ZNF385D: variants seen among roughly 807,000 people sequenced by gnomAD.
ZNF385D encodes the protein zinc finger protein 385D.
ZNF385D carries 15 observed loss-of-function variants against 35.8 expected under a neutral mutation model. That is an observed-to-expected ratio of 0.42 (90% confidence interval 0.28 to 0.64). The LOEUF (loss-of-function observed/expected upper bound fraction) is 0.64. ZNF385D is among the 30% of genes least tolerant of loss of function. The pLI is 0.23. For missense variants in ZNF385D, 474 were observed against 494.6 expected (o/e 0.96, Z 0.39); for synonymous variants, 212 against 186.8 (o/e 1.13, Z -1.10).
chr3:22,267,073 T>G (rs1168328406), intron 2 of ZNF385D, among the ~76,000 whole-genome samples: 1 of 151,936 alleles, frequency 6.6e-6, no homozygotes, highest in East Asian at 1.9e-4. Flanking sequence ...TTCTAAAGCA[T>G]AAAGAGGTAA....
At chr3:21,838,883 CATA>C (rs1196671447) in intron 3 of ZNF385D, among the ~76,000 whole-genome samples, 1 of 151,996 alleles carries the variant, frequency 6.6e-6, no homozygotes, top group Non-Finnish European at 1.5e-5. Context: ...ATAACTTGCT[CATA>C]ATAATAACAC....
upstream of ZNF385D, among the ~76,000 whole-genome samples, chr3:21,751,741 A>C (rs2070098368): frequency 6.6e-6 from 1 of 152,116 alleles, no homozygotes; most frequent in South Asian, 2.1e-4. Context: ...TACTTGGTGA[A>C]GTGTAATTTT....
intron 3 of ZNF385D, among the ~76,000 whole-genome samples, chr3:21,987,306 C>A (rs1452487369): frequency 7.5e-6 from 1 of 133,922 alleles, no homozygotes; most frequent in Non-Finnish European, 1.5e-5. Context: ...GTGGCTGGTA[C>A]CGGTTGTTCC....
In ZNF385D at chr3:22,276,660, A is replaced by G. The variant is rs1229653697; in HGVS notation, c.106+95790T>C. Among the ~76,000 whole-genome samples the G allele has an allele frequency of 2.0e-5, 3 of 152,290 alleles. No homozygotes were observed. The East Asian group carries it at 5.8e-4, about 30-fold the overall frequency. On this transcript the variant is annotated intron_variant, in intron 2 of 5. Transcript: ENST00000494108. ...TGTAAAATATATGATTTTACCAATC[A>G]TCATCATGCATTTCACCATCGGTGA...
chr3:21,877,615 T>C (rs1379760936), intron 3 of ZNF385D, among the ~76,000 whole-genome samples: 2 of 152,080 alleles, frequency 1.3e-5, no homozygotes, highest in Non-Finnish European at 2.9e-5. Flanking sequence ...GCAGTTCTTG[T>C]TTGCTCTGGA....
intron 3 of ZNF385D, among the ~76,000 whole-genome samples, chr3:22,012,064 C>T (rs1011477507): frequency 2.0e-5 from 3 of 152,088 alleles, no homozygotes; most frequent in Non-Finnish European, 4.4e-5. Flanking sequence ...CAACTTTGTG[C>T]AAGGGTTCCT....
At chr3:21,781,200 T>C (rs951547076) in intron 3 of ZNF385D, among the ~76,000 whole-genome samples, 5 of 129,954 alleles carry the variant, frequency 3.8e-5, no homozygotes, top group Non-Finnish European at 9.1e-5. Context: ...AAAAAGTATC[T>C]CTTTATTTCA....
intron 3 of ZNF385D, among the ~76,000 whole-genome samples, chr3:21,816,763 G>A (rs1368495414): frequency 6.6e-6 from 1 of 152,130 alleles, no homozygotes. Context: ...TACTGCCCAA[G>A]GTAATTTATA....
At chr3:22,125,755 TG>T (rs2125675173) in intron 3 of ZNF385D, among the ~76,000 whole-genome samples, 1 of 152,254 alleles carries the variant, frequency 6.6e-6, no homozygotes, top group South Asian at 2.1e-4. Context: ...TAATGATTTT[TG>T]TATGTTGATT....
intron 3 of ZNF385D, among the ~76,000 whole-genome samples, chr3:22,106,232 G>T (rs543925357): frequency 6.6e-6 from 1 of 152,054 alleles, no homozygotes; most frequent in Non-Finnish European, 1.5e-5. Context: ...ACTGGTCATC[G>T]ACATAATCAG....
chr3:21,801,485 G>C (rs2072398090), intron 3 of ZNF385D, among the ~76,000 whole-genome samples: 1 of 152,096 alleles, frequency 6.6e-6, no homozygotes, highest in African/African-American at 2.4e-5. Context: ...TGATTAACAA[G>C]TCAATCTCTT....
intron 1 of ZNF385D, among the ~76,000 whole-genome samples, chr3:21,704,427 A>G (rs2067821324): frequency 6.6e-6 from 1 of 151,476 alleles, no homozygotes; most frequent in Admixed American, 6.6e-5. Context: ...CTTGAATACC[A>G]TTCTTCATTT....
chr3:22,291,860 A>C (rs1046116220), intron 2 of ZNF385D, among the ~76,000 whole-genome samples: 7 of 152,040 alleles, frequency 4.6e-5, no homozygotes, highest in Non-Finnish European at 1.5e-5. Context: ...TTATTTACAA[A>C]CATGTGTACT....
chr3:22,024,478 A>C (rs527606952), intron 3 of ZNF385D, among the ~76,000 whole-genome samples: 1 of 152,190 alleles, frequency 6.6e-6, no homozygotes, highest in East Asian at 1.9e-4. Flanking sequence ...TGATATGATT[A>C]GACTCAAAAA....
chr3:22,114,802 G>A (rs1358523954), intron 3 of ZNF385D, among the ~76,000 whole-genome samples: 2 of 152,070 alleles, frequency 1.3e-5, no homozygotes, highest in East Asian at 3.9e-4. Context: ...AATATTAAGA[G>A]GTTGGGCCTT....
At chr3:21,798,739 A>T (rs534504443) in intron 3 of ZNF385D, among the ~76,000 whole-genome samples, 2 of 152,282 alleles carry the variant, frequency 1.3e-5, no homozygotes, top group South Asian at 4.1e-4. Flanking sequence ...GATCATATAA[A>T]CCATGCACAT....
chr3:22,229,424 C>A (rs1004439995), intron 2 of ZNF385D, among the ~76,000 whole-genome samples: 4 of 152,064 alleles, frequency 2.6e-5, no homozygotes, highest in Admixed American at 2.6e-4. Context: ...TGAGGGGGAC[C>A]CTTGTTGGCT....
chr3:21,744,581 A>G (rs1358651371), intron 1 of ZNF385D, among the ~76,000 whole-genome samples: 1 of 152,216 alleles, frequency 6.6e-6, no homozygotes, highest in African/African-American at 2.4e-5. Context: ...ACATCTGGAG[A>G]AAATTCACTT....
intron 3 of ZNF385D, chr3:21,961,589 A>AT (rs1702597159): frequency 6.6e-6 from 1 of 152,136 alleles, no homozygotes; most frequent in Non-Finnish European, 1.5e-5. Context: ...AATGCCTTTT[A>AT]TTTTTATAGA....
Sources: allele counts gnomAD v4.1 joint callset (sites outside exome capture counted in the v4.1 genomes callset), GRCh38; gene constraint gnomAD v4.1.1; transcripts MANE v1.5; gene names NCBI Gene and HGNC (gene_info 2026-07-23, HGNC 2026-07-21).